The following DENND4B variants were observed in gnomAD, a reference collection of about 807,000 sequenced individuals.
DENND4B encodes DENN domain containing 4B.
In DENND4B, 67 loss-of-function variants were observed where a neutral mutation model predicts 161.0. That is an observed-to-expected ratio of 0.42 (90% CI 0.34 to 0.51). The LOEUF is 0.51. Ranked by LOEUF, DENND4B falls within the 20% of genes least tolerant of loss-of-function variation. The pLI, the probability that DENND4B is intolerant of heterozygous loss-of-function variation, is 0.08. For missense variants in DENND4B, 1,481 were observed against 1,968.0 expected, an observed-to-expected ratio of 0.75 and a Z score of 4.68; for synonymous variants, 753 against 813.8, an observed-to-expected ratio of 0.93 and a Z score of 1.27.
chr1:153,946,700 G>C lies in DENND4B; in HGVS notation c.-423C>G, dbSNP rs1679994161. On this transcript the variant is annotated 5_prime_UTR_variant, in exon 1 of 28. Coordinates refer to ENST00000361217, the MANE Select transcript of DENND4B (RefSeq NM_014856.3). The surrounding 1 kb of genome is among the most constrained non-coding windows in gnomAD (Gnocchi z 6.3). ...CACCCCTCCTCCTCGGCCGGCGGCCGTGACCCTGGCAAGCGTCTGCCCAAA... is the reference window on the plus strand; with the variant it reads ...CACCCCTCCTCCTCGGCCGGCGGCCCTGACCCTGGCAAGCGTCTGCCCAAA... 1 of 374,972 alleles carries C rather than the reference G, an allele frequency of 2.7e-6. No individual in the cohort carries two copies. Among genetic ancestry groups the C allele is most frequent in the African/African-American group, 2.1e-5 (1 of 47,248 alleles). 23.2% of individuals were successfully genotyped at this position (374,972 alleles called of 1,614,324 possible).
Position 153,933,401 on chromosome 1 carries a change from C to T in DENND4B, c.3330+82G>A, listed in dbSNP as rs1006578503. The T allele has an allele frequency of 2.5e-6, 4 of 1,607,010 alleles. No homozygotes were observed. The African/African-American group carries it at 5.4e-5, about 22-fold the overall frequency. Reference sequence around the variant, plus strand: ...TGTGTTTCAAGCACCCCTCAGAGCCCCCTTTTTGAGCATTCTTCCAGTCGT... The same window carrying T: ...TGTGTTTCAAGCACCCCTCAGAGCCTCCTTTTTGAGCATTCTTCCAGTCGT... On this transcript the variant is annotated intron_variant, in intron 20 of 27. Transcript: ENST00000361217. The surrounding 1 kb of genome is among the most constrained non-coding windows in gnomAD (Gnocchi z 5.7).
chr1:153,945,574 ACG>A (rs1679915205), intron 1 of DENND4B, among the ~76,000 whole-genome samples: 2 of 144,798 alleles, frequency 1.4e-5, no homozygotes, highest in Admixed American at 7.0e-5. Context: ...ACACACACAC[ACG>A]CACACACACA....
In DENND4B at chr1:153,933,637, G is replaced by T. The variant is rs1433579275; in HGVS notation, c.3176C>A (p.Ala1059Asp). The change falls in exon 20 of 28, where the codon GCC becomes GAC. Residue 1059 changes from alanine (A) to aspartate (D), a missense_variant. Around this residue, in one of 3 missense-constraint regions of DENND4B, gnomAD observed 339 missense variants for 330.3 expected, o/e 1.03. Coordinates refer to ENST00000361217, the MANE Select transcript of DENND4B (RefSeq NM_014856.3). This position sits in a 1 kb window ranked among gnomAD's most constrained non-coding sequence, Gnocchi z 5.7. ...EAGTPRRGLG[A>D]RLQQLLTPSR... The stretch of plus-strand genomic sequence containing the variant: ...AGGAGTGAGCAGCTGTTGGAGGCGG[G>T]CACCCAGCCCTCGTCGGGGGGTGCC... 1.3e-6 allele frequency: 2 copies of T among 1,566,860 alleles called. No individual in the cohort carries two copies. Among genetic ancestry groups the T allele is most frequent in the Non-Finnish European group, 1.7e-6 (2 of 1,158,538 alleles).
chr1:153,940,160 G>A lies in DENND4B; in HGVS notation c.1599C>T (p.Asp533=). Residue 533 remains aspartate (D), a synonymous_variant, in exon 11 of 28, where the codon GAC becomes GAT. Transcript: ENST00000361217. The surrounding 1 kb of genome is among the most constrained non-coding windows in gnomAD (Gnocchi z 5.6). ...CTCCCCACCCAGGCTTCTCACTCTG[G>A]TCCAGCTGCTGGTACAGGTTTGTCA... The part of the protein sequence containing the change: ...ATLTNLYQQL[D]QTYTGPEEEA... The A allele has an allele frequency of 6.4e-7, 1 of 1,572,156 alleles. No individual in the cohort carries two copies. The highest frequency in any genetic ancestry group is 8.6e-7 in the Non-Finnish European group (1 of 1,161,756).
Position 153,933,977 on chromosome 1 carries a change from C to A in DENND4B, c.2942-106G>T. On this transcript the variant is annotated intron_variant, in intron 19 of 27. Coordinates refer to ENST00000361217, the MANE Select transcript of DENND4B (RefSeq NM_014856.3). This position sits in a 1 kb window ranked among gnomAD's most constrained non-coding sequence, Gnocchi z 5.7. ...GGCTGCACAAACTCTGGTGCCACCA[C>A]CCCCACCATGATGATATTCTGGGCG... 2 of 1,510,436 alleles carry A rather than the reference C, an allele frequency of 1.3e-6. No individual in the cohort carries two copies. The highest frequency in any genetic ancestry group is 2.5e-5 in the South Asian group (2 of 78,852). 93.6% of individuals were successfully genotyped at this position (1,510,436 alleles called of 1,614,324 possible). A position where few individuals can be genotyped will look rare whatever the true frequency, so the allele number is the denominator to read the frequency against.
chr1:153,937,991 G>A lies in DENND4B; in HGVS notation c.1966-128C>T, dbSNP rs998071024. ...AAGAGACACAGCCTGGGAAGATGGC[G>A]TCAGGAACGGGAGGACAGTACATTA... On this transcript the variant is annotated intron_variant, in intron 13 of 27. Coordinates refer to ENST00000361217, the MANE Select transcript of DENND4B (RefSeq NM_014856.3). This position sits in a 1 kb window ranked among gnomAD's most constrained non-coding sequence, Gnocchi z 4.7. 5.2e-6 allele frequency: 7 copies of A among 1,347,458 alleles called. No homozygotes were observed. Among genetic ancestry groups the A allele is most frequent in the South Asian group, 1.3e-5 (1 of 76,074 alleles). 83.5% of individuals were successfully genotyped at this position (1,347,458 alleles called of 1,614,324 possible). A position where few individuals can be genotyped will look rare whatever the true frequency, so the allele number is the denominator to read the frequency against.
At position 153,933,278 on chromosome 1, in the gene DENND4B, A is replaced by C. The variant is rs758943044; in HGVS notation, c.3372T>G (p.Ser1124=). The change falls in exon 21 of 28, where the codon TCT becomes TCG. Residue 1124 remains serine, a synonymous_variant. Transcript: ENST00000361217. This position sits in a 1 kb window ranked among gnomAD's most constrained non-coding sequence, Gnocchi z 5.7. ...SLGSEWDLSE[S]SLSNLSLRRS... ...GGCGAAGACTCAGGTTGCTGAGAGAAGATTCTGAGAGGTCCCACTCACTGC... is the reference window on the plus strand; with the variant it reads ...GGCGAAGACTCAGGTTGCTGAGAGACGATTCTGAGAGGTCCCACTCACTGC... 1 of 1,613,124 alleles carries C rather than the reference A, an allele frequency of 6.2e-7. No homozygotes were observed. The highest frequency in any genetic ancestry group is 8.5e-7 in the Non-Finnish European group (1 of 1,179,586).
Position 153,942,792 on chromosome 1 carries a change from C to G in DENND4B, c.570+86G>C. Reference sequence around the variant, plus strand: ...CTGGACTCACCCCTGTGGTCAGAGCCTTGGTCCTGGGATGCCCTTTGTTCC... The same window carrying G: ...CTGGACTCACCCCTGTGGTCAGAGCGTTGGTCCTGGGATGCCCTTTGTTCC... On this transcript the variant is annotated intron_variant, in intron 3 of 27. Coordinates refer to ENST00000361217, the MANE Select transcript of DENND4B (RefSeq NM_014856.3). This position sits in a 1 kb window ranked among gnomAD's most constrained non-coding sequence, Gnocchi z 6.9. 1 of 1,510,726 alleles carries G rather than the reference C, an allele frequency of 6.6e-7. No homozygotes were observed. The highest frequency in any genetic ancestry group is 8.9e-7 in the Non-Finnish European group (1 of 1,127,746). 93.6% of individuals were successfully genotyped at this position (1,510,726 alleles called of 1,614,324 possible).
chr1:153,939,419 C>T (rs567320231), intron 12 of DENND4B, among the ~76,000 whole-genome samples, 170 bp downstream of exon 12: 6 of 152,042 alleles, frequency 3.9e-5, no homozygotes, highest in Non-Finnish European at 7.4e-5. Flanking sequence ...TGATTCCCCC[C>T]CAAGACCAGA....
Position 153,937,040 on chromosome 1 carries a change from C to CT in DENND4B, c.2233-293dup, listed in dbSNP as rs1679385163. 6.6e-6 allele frequency among the ~76,000 whole-genome samples: 1 copy of CT among 152,226 alleles called. No individual in the cohort carries two copies. Among genetic ancestry groups the CT allele is most frequent in the South Asian group, 2.1e-4 (1 of 4,834 alleles). On this transcript the variant is annotated intron_variant, in intron 15 of 27. Coordinates refer to ENST00000361217, the MANE Select transcript of DENND4B (RefSeq NM_014856.3). The surrounding 1 kb of genome is among the most constrained non-coding windows in gnomAD (Gnocchi z 4.7). ...AAACTCCTGGGCGCAAGTGATCTGC[C>CT]TGCCTCAGCCTCCCAAAATGCTGGG...
intron 8 of DENND4B, 22 bp downstream of exon 8, chr1:153,941,209 T>A: frequency 6.2e-7 from 1 of 1,612,982 alleles, no homozygotes; most frequent in South Asian, 1.1e-5. Flanking sequence ...AAAGCTCCCC[T>A]CCCCACAATC....
Position 153,946,395 on chromosome 1 carries a change from A to G in DENND4B, c.-118T>C. ...GCGGCGGGGCTACCCGGCCCCAGAC[A>G]TGGCGCACCCGACTTGGGCGCCGCT... On this transcript the variant is annotated 5_prime_UTR_variant, in exon 1 of 28. It removes an upstream start codon present in the reference 5' UTR. Coordinates refer to ENST00000361217, the MANE Select transcript of DENND4B (RefSeq NM_014856.3). The surrounding 1 kb of genome is among the most constrained non-coding windows in gnomAD (Gnocchi z 6.3). 1 of 383,046 alleles carries G rather than the reference A, an allele frequency of 2.6e-6. No homozygotes were observed. Among genetic ancestry groups the G allele is most frequent in the Non-Finnish European group, 4.6e-6 (1 of 216,004 alleles). 23.7% of individuals were successfully genotyped at this position (383,046 alleles called of 1,614,324 possible). A position where few individuals can be genotyped will look rare whatever the true frequency, so the allele number is the denominator to read the frequency against.
In DENND4B at chr1:153,930,639, A is replaced by G. The variant is rs763953270; in HGVS notation, c.4281-36T>C. ...GGCAGAAGTGTATGAGTGAGAGAAA[A>G]GGGGTGTGGAGCCCCGGACAGACCA... is the stretch of plus-strand genomic sequence containing the variant. On this transcript the variant is annotated intron_variant, in intron 26 of 27. Transcript: ENST00000361217. The surrounding 1 kb of genome is among the most constrained non-coding windows in gnomAD (Gnocchi z 4.7). 6.2e-7 allele frequency: 1 copy of G among 1,613,748 alleles called. No individual in the cohort carries two copies. Among genetic ancestry groups the G allele is most frequent in the Non-Finnish European group, 8.5e-7 (1 of 1,179,762 alleles).
At chr1:153,935,118 C>T in intron 17 of DENND4B, 154 bp from the exon 18 acceptor site, 1 of 1,418,538 alleles carries the variant, frequency 7.0e-7, no homozygotes, top group Non-Finnish European at 9.3e-7. Flanking sequence ...AACAAGAGCC[C>T]AGAAGAGACA....
chr1:153,946,404 C>A lies in DENND4B; in HGVS notation c.-127G>T. Reference sequence around the variant, plus strand: ...CTACCCGGCCCCAGACATGGCGCACCCGACTTGGGCGCCGCTCCCGCCCGG... The same window carrying A: ...CTACCCGGCCCCAGACATGGCGCACACGACTTGGGCGCCGCTCCCGCCCGG... On this transcript the variant is annotated 5_prime_UTR_variant, in exon 1 of 28. Coordinates refer to ENST00000361217, the MANE Select transcript of DENND4B (RefSeq NM_014856.3). The surrounding 1 kb of genome is among the most constrained non-coding windows in gnomAD (Gnocchi z 6.3). 2.6e-6 allele frequency: 1 copy of A among 384,870 alleles called. No individual in the cohort carries two copies. The highest frequency in any genetic ancestry group is 4.6e-6 in the Non-Finnish European group (1 of 217,078). The allele number at this position is 384,870 out of a possible 1,614,324, so 23.8% of individuals were successfully genotyped here.
chr1:153,942,498 G>A lies in DENND4B; in HGVS notation c.640+58C>T, dbSNP rs1679728898. On this transcript the variant is annotated intron_variant, in intron 4 of 27. Coordinates refer to ENST00000361217, the MANE Select transcript of DENND4B (RefSeq NM_014856.3). This position sits in a 1 kb window ranked among gnomAD's most constrained non-coding sequence, Gnocchi z 6.9. ...GGGACACTTAAGGTGCCTGCCAAGA[G>A]GCACCAGGGCAAAGGGATGTAGGGT... 3.2e-6 allele frequency: 5 copies of A among 1,569,602 alleles called. No homozygotes were observed. Among genetic ancestry groups the A allele is most frequent in the Admixed American group, 3.8e-5 (2 of 52,716 alleles).
At position 153,933,671 on chromosome 1, in the gene DENND4B, C is replaced by G. The variant is rs1679124624; in HGVS notation, c.3142G>C (p.Asp1048His). ...CCTCGTCGGGGGGTGCCTGCCTCATCCTGTCGCCCACCAGCCTTGGGTCCC... is the reference window on the plus strand; with the variant it reads ...CCTCGTCGGGGGGTGCCTGCCTCATGCTGTCGCCCACCAGCCTTGGGTCCC... The part of the protein sequence containing the change: ...GRGPKAGGRQ[D>H]EAGTPRRGLG... Residue 1048 changes from aspartate (D) to histidine (H), a missense_variant, in exon 20 of 28, where the codon GAT becomes CAT. This residue lies in a region of DENND4B where 339 missense variants were observed against 330.3 expected (regional missense o/e 1.03). Transcript: ENST00000361217. This position sits in a 1 kb window ranked among gnomAD's most constrained non-coding sequence, Gnocchi z 5.7. The G allele has an allele frequency of 3.2e-6, 5 of 1,571,424 alleles. No homozygotes were observed. The African/African-American group carries it at 4.1e-5, about 13-fold the overall frequency.
chr1:153,946,505 C>T lies in DENND4B; in HGVS notation c.-228G>A. 5.1e-6 allele frequency: 2 copies of T among 389,884 alleles called. No homozygotes were observed. Among genetic ancestry groups the T allele is most frequent in the Admixed American group, 4.5e-5 (1 of 22,364 alleles). The allele number at this position is 389,884 out of a possible 1,614,324, so 24.2% of individuals were successfully genotyped here. A position where few individuals can be genotyped will look rare whatever the true frequency, so the allele number is the denominator to read the frequency against. ...CAGTGGAAGGAGATCCGGGCGGTCC[C>T]CGCGTCCCCGCCGCGCTGCGCCACG... is the stretch of plus-strand genomic sequence containing the variant. On this transcript the variant is annotated 5_prime_UTR_variant, in exon 1 of 28. Transcript: ENST00000361217. This position sits in a 1 kb window ranked among gnomAD's most constrained non-coding sequence, Gnocchi z 6.3.
Position 153,940,537 on chromosome 1 carries a change from TCAG to T in DENND4B, c.1393_1395del (p.Leu465del). The T allele has an allele frequency of 6.2e-7, 1 of 1,613,530 alleles. No homozygotes were observed. Among genetic ancestry groups the T allele is most frequent in the Non-Finnish European group, 8.5e-7 (1 of 1,179,706 alleles). ...CCCACAATGAAGGGCACTGGGGCAC[TCAG>T]CACATCTGCCAGCACCAGCGGGCAC... On this transcript the variant is annotated inframe_deletion, in exon 10 of 28. Transcript: ENST00000361217. This position sits in a 1 kb window ranked among gnomAD's most constrained non-coding sequence, Gnocchi z 5.6.
Sources: allele counts gnomAD v4.1 joint callset (sites outside exome capture counted in the v4.1 genomes callset), GRCh38; gene constraint gnomAD v4.1.1; regional missense constraint gnomAD v4.1.1; non-coding constraint Gnocchi (gnomAD v3.1); transcripts MANE v1.5; gene names NCBI Gene and HGNC (gene_info 2026-07-23, HGNC 2026-07-21).